The following ABLIM3 variants were observed in gnomAD, a reference collection of about 807,000 sequenced individuals.
ABLIM3 encodes the protein actin binding LIM protein family member 3.
In ABLIM3, 61 loss-of-function variants were observed where a neutral mutation model predicts 109.5. The ratio of observed to expected loss-of-function variants is 0.56; its 90% CI spans 0.45 to 0.69. ABLIM3 has a LOEUF of 0.69. ABLIM3 is among the 30% of genes least tolerant of loss of function. The pLI, the probability that ABLIM3 is intolerant of heterozygous loss-of-function variation, is 0.00. For missense variants in ABLIM3, 796 were observed against 889.5 expected, an observed-to-expected ratio of 0.89 and a Z score of 1.34; for synonymous variants, 300 against 324.8, an observed-to-expected ratio of 0.92 and a Z score of 0.82.
At chr5:149,191,961 C>CA (rs1757520372) in intron 3 of ABLIM3, among the ~76,000 whole-genome samples, 3 of 152,136 alleles carry the variant, frequency 2.0e-5, no homozygotes. Context: ...AGGTTCATGA[C>CA]ATTCTCCTGC....
chr5:149,195,687 T>TCCG (rs1437619992), intron 3 of ABLIM3, among the ~76,000 whole-genome samples: 2 of 152,180 alleles, frequency 1.3e-5, no homozygotes, highest in Admixed American at 1.3e-4. Flanking sequence ...CCTAATTGAT[T>TCCG]CCGCAGCCAT....
intron 3 of ABLIM3, among the ~76,000 whole-genome samples, chr5:149,196,013 C>T (rs1459323373): frequency 6.6e-6 from 1 of 152,208 alleles, no homozygotes; most frequent in African/African-American, 2.4e-5. Context: ...CTTCATTCTG[C>T]GTACAAGTGA....
In ABLIM3 at chr5:149,259,699, C is replaced by T. The variant is rs1393517648; in HGVS notation, c.*1295C>T. On this transcript the variant is annotated 3_prime_UTR_variant, in exon 24 of 24. Transcript: ENST00000309868. ...TTAACCTCTCTTCTCCTCTCCAAAC[C>T]TTTCACCTTGAATGGGTAATGTTTG... 1 of 1,138,450 alleles carries T rather than the reference C, an allele frequency of 8.8e-7. No individual in the cohort carries two copies. Among genetic ancestry groups the T allele is most frequent in the Non-Finnish European group, 1.3e-6 (1 of 791,172 alleles). The allele number at this position is 1,138,450 out of a possible 1,614,324, so 70.5% of individuals were successfully genotyped here. A position where few individuals can be genotyped will look rare whatever the true frequency, so the allele number is the denominator to read the frequency against.
chr5:149,258,015 T>C (rs1203307242), intron 23 of ABLIM3, among the ~76,000 whole-genome samples: 1 of 152,168 alleles, frequency 6.6e-6, no homozygotes, highest in Non-Finnish European at 1.5e-5. Flanking sequence ...CCAAGGGGTG[T>C]GTAGTGGAAG....
At chr5:149,159,394 A>G (rs1403497060) in intron 2 of ABLIM3, among the ~76,000 whole-genome samples, 1 of 152,204 alleles carries the variant, frequency 6.6e-6, no homozygotes, top group Non-Finnish European at 1.5e-5. Context: ...TGATTGCAAA[A>G]GGTTGCAGCA....
intron 18 of ABLIM3, among the ~76,000 whole-genome samples, chr5:149,248,471 C>A (rs1452370103): frequency 1.3e-5 from 2 of 152,026 alleles, no homozygotes; most frequent in East Asian, 1.9e-4. Context: ...GCGGGCAGAT[C>A]ATGAGGTCAG....
intron 18 of ABLIM3, among the ~76,000 whole-genome samples, chr5:149,248,368 G>T (rs1320531624): frequency 1.3e-5 from 2 of 152,122 alleles, no homozygotes; most frequent in Non-Finnish European, 2.9e-5. Flanking sequence ...GGCATCTGAA[G>T]CTCTGACTTC....
chr5:149,148,001 G>A lies in ABLIM3; in HGVS notation c.13+5893G>A, dbSNP rs11957379. Among the ~76,000 whole-genome samples, 550 of 152,242 alleles carry A rather than the reference G, an allele frequency of 3.6e-3. 3 individuals are homozygous for A. Among genetic ancestry groups the A allele is most frequent in the African/African-American group, 0.012 (515 of 41,524 alleles). On this transcript the variant is annotated intron_variant, in intron 2 of 23. Transcript: ENST00000309868. ...TTTATGACACTAGCAAGCAGGTCAC[G>A]CAACCTCTCAGACTTCAGTCACATC...
At chr5:149,181,861 T>A (rs965897466) in intron 2 of ABLIM3, among the ~76,000 whole-genome samples, 10 of 152,244 alleles carry the variant, frequency 6.6e-5, no homozygotes, top group African/African-American at 2.4e-4. Flanking sequence ...GATAGAGGTT[T>A]ATGATGGGTT....
chr5:149,159,338 G>T (rs1262006644), intron 2 of ABLIM3, among the ~76,000 whole-genome samples: 3 of 152,190 alleles, frequency 2.0e-5, no homozygotes, highest in Admixed American at 6.5e-5. Context: ...AATCTATGTG[G>T]ACAGAAATTA....
At position 149,259,757 on chromosome 5, in the gene ABLIM3, G is replaced by T. The variant is rs1053259398; in HGVS notation, c.*1353G>T. On this transcript the variant is annotated 3_prime_UTR_variant, in exon 24 of 24. Transcript: ENST00000309868. ...CTGTTCCTTCTTGGAGAAGCCTTGA[G>T]TCGGACCATTTTGAGATCATGGAGG... The T allele has an allele frequency of 3.0e-6, 2 of 669,768 alleles. No individual in the cohort carries two copies. The highest frequency in any genetic ancestry group is 3.9e-5 in the South Asian group (2 of 51,742). 41.5% of individuals were successfully genotyped at this position (669,768 alleles called of 1,614,324 possible). A position where few individuals can be genotyped will look rare whatever the true frequency, so the allele number is the denominator to read the frequency against.
intron 2 of ABLIM3, among the ~76,000 whole-genome samples, chr5:149,163,731 G>A (rs1754587362): frequency 6.6e-6 from 1 of 152,114 alleles, no homozygotes; most frequent in Admixed American, 6.5e-5. Flanking sequence ...AGGTACTGAG[G>A]GTAGGGACTT....
intron 22 of ABLIM3, 107 bp downstream of exon 22, chr5:149,252,315 A>G: frequency 7.6e-7 from 1 of 1,317,808 alleles, no homozygotes; most frequent in Non-Finnish European, 1.0e-6. Flanking sequence ...GGGAACATAG[A>G]TAAATAACCC....
At position 149,176,165 on chromosome 5, in the gene ABLIM3, C is replaced by T. The variant is rs1755909686; in HGVS notation, c.14-7287C>T. The stretch of plus-strand genomic sequence containing the variant: ...GCACTTGCATCTCTCTGGGACCCAG[C>T]ACACACACCTGTCAGGCTTTACCTG... On this transcript the variant is annotated intron_variant, in intron 2 of 23. Transcript: ENST00000309868. 2.6e-5 allele frequency among the ~76,000 whole-genome samples: 4 copies of T among 152,236 alleles called. No individual in the cohort carries two copies. The South Asian group carries it at 8.3e-4, about 32-fold the overall frequency.
In ABLIM3 at chr5:149,258,622, ACT is replaced by A. The variant is rs1249631767; in HGVS notation, c.*221_*222del. 1 of 1,285,694 alleles carries A rather than the reference ACT, an allele frequency of 7.8e-7. No homozygotes were observed. Among genetic ancestry groups the A allele is most frequent in the African/African-American group, 1.5e-5 (1 of 65,214 alleles). 79.6% of individuals were successfully genotyped at this position (1,285,694 alleles called of 1,614,324 possible). On this transcript the variant is annotated 3_prime_UTR_variant, in exon 24 of 24. Coordinates refer to ENST00000309868, the MANE Select transcript of ABLIM3 (RefSeq NM_014945.5). ...GGGATCTGGGAAGGGATTTGAGGGG[ACT>A]CTGTCCTTTTATTGGGGATCCTTTT...
intron 3 of ABLIM3, among the ~76,000 whole-genome samples, chr5:149,194,880 A>G (rs981426056): frequency 1.3e-5 from 2 of 152,208 alleles, no homozygotes; most frequent in African/African-American, 4.8e-5. Context: ...GTTCTGTTTC[A>G]TAAACTCGGT....
intron 14 of ABLIM3, among the ~76,000 whole-genome samples, chr5:149,242,000 C>A (rs1269801141): frequency 6.6e-6 from 1 of 152,104 alleles, no homozygotes; most frequent in Admixed American, 6.6e-5. Context: ...ACTCACGTTC[C>A]CCTCAAGAGC....
chr5:149,167,013 A>G (rs567442641), intron 2 of ABLIM3, among the ~76,000 whole-genome samples: 1 of 152,218 alleles, frequency 6.6e-6, no homozygotes, highest in Non-Finnish European at 1.5e-5. Flanking sequence ...GATGCCACCC[A>G]TCTTTCAAGA....
chr5:149,258,238 C>T (rs1754617766), intron 23 of ABLIM3, 53 bp from the exon 24 acceptor site: 1 of 1,547,232 alleles, frequency 6.5e-7, no homozygotes, highest in South Asian at 1.1e-5. Context: ...CTTGCATCCT[C>T]ATGCTGCTCT....
Sources: gnomAD v4.1 joint callset for allele counts (sites outside exome capture counted in the v4.1 genomes callset) on GRCh38, gnomAD v4.1.1 for gene constraint, MANE v1.5 for transcripts, NCBI Gene and HGNC (gene_info 2026-07-23, HGNC 2026-07-21) for gene names.